IBTK: variants seen among roughly 807,000 people sequenced by gnomAD.
The protein encoded by IBTK is inhibitor of Bruton tyrosine kinase, also known as BTK-binding protein.
A neutral mutation model predicts 154.9 loss-of-function variants in IBTK; 83 were observed. The ratio of observed to expected loss-of-function variants is 0.54; its 90% CI spans 0.45 to 0.64. The LOEUF is 0.64. Ranked by LOEUF, IBTK falls within the 30% of genes least tolerant of loss-of-function variation. IBTK has a pLI of 0.00. For missense variants in IBTK, 1,332 were observed against 1,584.6 expected (o/e 0.84, Z 2.71); for synonymous variants, 515 against 536.1 (o/e 0.96, Z 0.54).
intron 26 of IBTK, among the ~76,000 whole-genome samples, chr6:82,175,511 C>G (rs929554066): frequency 6.6e-6 from 1 of 152,140 alleles, no homozygotes; most frequent in Admixed American, 6.5e-5. Context: ...AATGTGGAGT[C>G]TGTCAAAATT....
intron 23 of IBTK, among the ~76,000 whole-genome samples, chr6:82,193,095 CAAA>C (rs1340087241): frequency 9.3e-6 from 1 of 107,686 alleles, no homozygotes; most frequent in African/African-American, 3.4e-5. Flanking sequence ...AAGACTGTCT[CAAA>C]AAAAAAAAAA....
At chr6:82,197,493 C>G (rs1452243935) in intron 21 of IBTK, among the ~76,000 whole-genome samples, 2 of 151,868 alleles carry the variant, frequency 1.3e-5, no homozygotes, top group South Asian at 4.1e-4. Flanking sequence ...CCTCAGCCTT[C>G]CAAGTAGCTA....
intron 1 of IBTK, among the ~76,000 whole-genome samples, chr6:82,245,218 G>A (rs1383592442): frequency 1.3e-5 from 2 of 152,098 alleles, no homozygotes; most frequent in African/African-American, 4.8e-5. Context: ...GAGGGGTCCA[G>A]GTAAGACTTT....
rs1770206335 is a variant in IBTK at position 82,224,095 on chromosome 6, T to C, written c.916A>G (p.Thr306Ala). Reference sequence around the variant, plus strand: ...AGTTGTCCACCATTTAGTCCCATAGTGTAAACAGCTTCTCTAGTCCATAGG... The same window carrying C: ...AGTTGTCCACCATTTAGTCCCATAGCGTAAACAGCTTCTCTAGTCCATAGG... ...TVLWTREAVY[T>A]MGLNGGQLGC... The change falls in exon 7 of 29, where the codon ACT becomes GCT. Residue 306 changes from threonine to alanine, a missense_variant. Transcript: ENST00000306270. The C allele has an allele frequency of 1.9e-6, 3 of 1,607,896 alleles. No homozygotes were observed. The highest frequency in any genetic ancestry group is 2.6e-6 in the Non-Finnish European group (3 of 1,174,620).
Position 82,214,704 on chromosome 6 carries a change from G to A in IBTK, c.1727C>T (p.Pro576Leu). 2.5e-6 allele frequency: 4 copies of A among 1,614,016 alleles called. No individual in the cohort carries two copies. The highest frequency in any genetic ancestry group is 2.5e-6 in the Non-Finnish European group (3 of 1,179,998). The change falls in exon 12 of 29, where the codon CCT (proline) becomes CTT (leucine). Residue 576 changes from proline to leucine, a missense_variant. Transcript: ENST00000306270. ...CACTGCCAAAATATATTTATGTGCA[G>A]GGAAGAGTCTATTGCCAACTTGAAA... is the stretch of plus-strand genomic sequence containing the variant. ...VTFQVGNRLF[P>L]AHKYILAVHS...
chr6:82,172,253 C>A, intron 28 of IBTK, 127 bp downstream of exon 28: 1 of 850,858 alleles, frequency 1.2e-6, no homozygotes. Context: ...TTAATTTTAC[C>A]TGGCATTTAC....
intron 1 of IBTK, among the ~76,000 whole-genome samples, chr6:82,245,626 A>G (rs1771113706): frequency 3.3e-5 from 5 of 152,154 alleles, no homozygotes; most frequent in Admixed American, 2.6e-4. Context: ...AGCAGAAGGG[A>G]TAGTAAATAT....
At chr6:82,216,018 CA>C in intron 11 of IBTK, 57 bp downstream of exon 11, 2 of 1,359,216 alleles carry the variant, frequency 1.5e-6, no homozygotes, top group Non-Finnish European at 2.0e-6. Context: ...CTACTGAAAA[CA>C]AGAAAATTCA....
chr6:82,214,015 G>A (rs972941095), intron 12 of IBTK, among the ~76,000 whole-genome samples: 1 of 152,082 alleles, frequency 6.6e-6, no homozygotes, highest in African/African-American at 2.4e-5. Flanking sequence ...GAATGCAGTG[G>A]CGCAATCTCG....
intron 21 of IBTK, among the ~76,000 whole-genome samples, chr6:82,199,752 T>A (rs1486165011): frequency 6.6e-6 from 1 of 152,176 alleles, no homozygotes; most frequent in Non-Finnish European, 1.5e-5. Flanking sequence ...GTTTGGCATA[T>A]AAGAGCCTCC....
chr6:82,245,444 C>T (rs978855057), intron 1 of IBTK, among the ~76,000 whole-genome samples: 11 of 152,064 alleles, frequency 7.2e-5, no homozygotes, highest in African/African-American at 2.7e-4. Flanking sequence ...GTAGTCCCAA[C>T]TACTCTGGAG....
Position 82,184,706 on chromosome 6 carries a change from C to A in IBTK, c.3576-2678G>T, listed in dbSNP as rs1768475902. 2.0e-5 allele frequency among the ~76,000 whole-genome samples: 3 copies of A among 152,164 alleles called. No individual in the cohort carries two copies. In the South Asian group the frequency reaches 6.2e-4, roughly 32 times the overall value. On this transcript the variant is annotated intron_variant, in intron 25 of 28. Transcript: ENST00000306270. ...CAGACTAGGTGAATGAATGTGTGAA[C>A]AAACTAGTGAAAATCCTACCACAAC... is the stretch of plus-strand genomic sequence containing the variant.
Position 82,191,863 on chromosome 6 carries a change from C to G in IBTK, c.3355G>C (p.Val1119Leu). 6.2e-7 allele frequency: 1 copy of G among 1,609,828 alleles called. No individual in the cohort carries two copies. Among genetic ancestry groups the G allele is most frequent in the Non-Finnish European group, 8.5e-7 (1 of 1,176,812 alleles). Residue 1119 changes from valine to leucine, a missense_variant, in exon 24 of 29, where the codon GTT (valine) becomes CTT (leucine). Coordinates refer to ENST00000306270, the MANE Select transcript of IBTK (RefSeq NM_015525.4). Reference protein sequence around the residue: ...AGSFSPVSPPVVDLRTIMEIE... With the variant: ...AGSFSPVSPPLVDLRTIMEIE... ...TCCATGATAGTTCTGAGATCCACAA[C>G]AGGAGGGCTGACAGGACTAAAAGAC... is the stretch of plus-strand genomic sequence containing the variant.
intron 15 of IBTK, 89 bp downstream of exon 15, chr6:82,211,278 T>C (rs1769625840): frequency 2.0e-6 from 2 of 1,017,342 alleles, no homozygotes; most frequent in Non-Finnish European, 1.4e-6. Context: ...AAATATCCAG[T>C]TCTGATTTTG....
At chr6:82,198,369 A>G (rs893674729) in intron 21 of IBTK, among the ~76,000 whole-genome samples, 2 of 152,160 alleles carry the variant, frequency 1.3e-5, no homozygotes, top group South Asian at 2.1e-4. Flanking sequence ...TAAATTTAGA[A>G]AAGTCCTAAG....
intron 16 of IBTK, chr6:82,205,781 A>G (rs1769385302): frequency 2.0e-5 from 3 of 152,300 alleles, no homozygotes; most frequent in African/African-American, 7.2e-5. Flanking sequence ...AATAAAAAAT[A>G]AAACAACTTT....
At chr6:82,185,087 G>A (rs1768490048) in intron 25 of IBTK, among the ~76,000 whole-genome samples, 1 of 151,076 alleles carries the variant, frequency 6.6e-6, no homozygotes, top group Non-Finnish European at 1.5e-5. Flanking sequence ...GGAGGCTGAG[G>A]CAGGAGAAGT....
chr6:82,178,219 C>T (rs1450213242), intron 26 of IBTK, among the ~76,000 whole-genome samples: 2 of 152,130 alleles, frequency 1.3e-5, no homozygotes, highest in Non-Finnish European at 2.9e-5. Context: ...CTGTCATAAA[C>T]TCCATTGAGT....
rs892738367 is a variant in IBTK at position 82,216,362 on chromosome 6, C to A, written c.1427-112G>T. On this transcript the variant is annotated intron_variant, in intron 10 of 28. Transcript: ENST00000306270. Reference sequence around the variant, plus strand: ...TAGAAAAATATGGAAATCTTTTTCACATATATTCAGTGTTTTTGAAGAACT... The same window carrying A: ...TAGAAAAATATGGAAATCTTTTTCAAATATATTCAGTGTTTTTGAAGAACT... 5.8e-6 allele frequency: 4 copies of A among 689,348 alleles called. No individual in the cohort carries two copies. The Admixed American group carries it at 1.3e-4, about 23-fold the overall frequency. 42.7% of individuals were successfully genotyped at this position (689,348 alleles called of 1,614,324 possible).
Sources: gnomAD v4.1 joint callset for allele counts (sites outside exome capture counted in the v4.1 genomes callset) on GRCh38, gnomAD v4.1.1 for gene constraint, MANE v1.5 for transcripts, NCBI Gene and HGNC (gene_info 2026-07-23, HGNC 2026-07-21) for gene names.